Variants in GALNT13 observed in about 807,000 individuals in gnomAD.
GALNT13 encodes polypeptide N-acetylgalactosaminyltransferase 13.
Under a neutral mutation model 64.2 loss-of-function variants are expected in GALNT13, and 28 were observed. That is an observed-to-expected ratio of 0.44 (90% CI 0.32 to 0.60). The LOEUF (loss-of-function observed/expected upper bound fraction) is 0.60, where lower values mean the gene tolerates loss of function less well. Among genes scored for constraint, GALNT13 ranks in the 20% least tolerant of loss-of-function variants. GALNT13 has a pLI of 0.05. For missense variants in GALNT13, 577 were observed against 669.8 expected (o/e 0.86, Z 1.53); for synonymous variants, 214 against 224.6 (o/e 0.95, Z 0.42).
the GALNT13 span, among the ~76,000 whole-genome samples, chr2:153,839,604 T>C: frequency 6.6e-6 from 1 of 151,890 alleles, no homozygotes; most frequent in African/African-American, 2.4e-5. Flanking sequence ...GTATTAATTA[T>C]GAATTATGTA....
the GALNT13 span, among the ~76,000 whole-genome samples, chr2:153,363,612 C>T: frequency 2.0e-5 from 3 of 152,050 alleles, no homozygotes; most frequent in East Asian, 1.9e-4. Context: ...AACACCTCTA[C>T]ACAAATAAAC....
the GALNT13 span, among the ~76,000 whole-genome samples, chr2:153,138,674 A>G: frequency 6.6e-6 from 1 of 152,078 alleles, no homozygotes; most frequent in Non-Finnish European, 1.5e-5. Context: ...TAGATTTTAA[A>G]TGTTATCTAT....
At chr2:153,861,702 G>T in the GALNT13 span, among the ~76,000 whole-genome samples, 1 of 151,964 alleles carries the variant, frequency 6.6e-6, no homozygotes, top group African/African-American at 2.4e-5. Flanking sequence ...GAGTAGCTGG[G>T]ATTACAGGTG....
chr2:153,922,039 C>T (rs767160822), intron 2 of GALNT13, among the ~76,000 whole-genome samples: 32 of 151,946 alleles, frequency 2.1e-4, no homozygotes, highest in African/African-American at 7.0e-4. Flanking sequence ...ATCCATGTAT[C>T]GGTTAGTGGG....
At chr2:153,839,532 C>G in the GALNT13 span, among the ~76,000 whole-genome samples, 1 of 151,500 alleles carries the variant, frequency 6.6e-6, no homozygotes, top group Admixed American at 6.6e-5. Context: ...TTTATCCTTC[C>G]TTCTGTTAAT....
the GALNT13 span, among the ~76,000 whole-genome samples, chr2:153,630,805 ATATTTTT>A: frequency 3.7e-3 from 55 of 14,990 alleles, no homozygotes; most frequent in Non-Finnish European, 5.3e-3. Flanking sequence ...ATATATATAT[ATATTTTT>A]TTTTTTTTTT....
At chr2:154,216,195 T>G (rs1416564316) in intron 4 of GALNT13, among the ~76,000 whole-genome samples, 4 of 152,080 alleles carry the variant, frequency 2.6e-5, no homozygotes, top group African/African-American at 9.7e-5. Context: ...TTATTTAGGT[T>G]TGAAAACTCC....
intron 4 of GALNT13, among the ~76,000 whole-genome samples, chr2:154,153,442 G>T (rs1387570230): frequency 6.6e-6 from 1 of 152,202 alleles, no homozygotes; most frequent in Non-Finnish European, 1.5e-5. Context: ...TGCTGAGAGA[G>T]CCACTGCTCT....
the GALNT13 span, among the ~76,000 whole-genome samples, chr2:153,604,694 T>C: frequency 2.0e-5 from 3 of 152,078 alleles, no homozygotes; most frequent in Non-Finnish European, 2.9e-5. Flanking sequence ...TTCTTGTCAT[T>C]CAGTGTATAT....
chr2:154,300,599 T>TATATATATATA (rs1386153950), intron 8 of GALNT13, among the ~76,000 whole-genome samples: 7 of 151,780 alleles, frequency 4.6e-5, no homozygotes, highest in Non-Finnish European at 1.0e-4. Flanking sequence ...GTATGTATAG[T>TATATATATATA]ATTGTGTGTA....
chr2:153,197,235 T>A, the GALNT13 span, among the ~76,000 whole-genome samples: 2,141 of 152,306 alleles, frequency 0.014, 25 homozygotes, highest in Middle Eastern at 0.061. Context: ...AGGCTCTCTG[T>A]TGATATGCAT....
chr2:153,478,244 G>GC, the GALNT13 span: 2 of 1,611,558 alleles, frequency 1.2e-6, no homozygotes, highest in Non-Finnish European at 8.5e-7. Context: ...GGTCAGTAGG[G>GC]CCCCACGACC....
chr2:153,727,280 C>G, the GALNT13 span, among the ~76,000 whole-genome samples: 1 of 152,156 alleles, frequency 6.6e-6, no homozygotes, highest in Non-Finnish European at 1.5e-5. Flanking sequence ...TTTTGCTTAA[C>G]AAAAGGTTTG....
At chr2:154,259,931 G>T (rs1260298275) in intron 8 of GALNT13, among the ~76,000 whole-genome samples, 2 of 152,010 alleles carry the variant, frequency 1.3e-5, no homozygotes, top group African/African-American at 4.8e-5. Flanking sequence ...AGGCTGGAGT[G>T]GTACAGTGGT....
the GALNT13 span, among the ~76,000 whole-genome samples, chr2:153,663,744 G>C: frequency 2.6e-5 from 4 of 152,188 alleles, no homozygotes; most frequent in Non-Finnish European, 5.9e-5. Flanking sequence ...AATTAGCTCA[G>C]CTTCACTCTG....
chr2:154,072,958 C>T (rs1700808166), intron 3 of GALNT13, among the ~76,000 whole-genome samples: 2 of 151,976 alleles, frequency 1.3e-5, no homozygotes, highest in South Asian at 4.1e-4. Context: ...GTCAGCGATT[C>T]TCAAATTGTG....
At chr2:153,600,325 C>A in the GALNT13 span, among the ~76,000 whole-genome samples, 1 of 151,552 alleles carries the variant, frequency 6.6e-6, no homozygotes, top group Non-Finnish European at 1.5e-5. Context: ...TTTTCAAAAC[C>A]CAACTCTACC....
At chr2:153,479,153 C>T in the GALNT13 span, among the ~76,000 whole-genome samples, 1 of 152,032 alleles carries the variant, frequency 6.6e-6, no homozygotes, top group Non-Finnish European at 1.5e-5. Context: ...TTGCCTGCTG[C>T]CCCCCTGACC....
the GALNT13 span, among the ~76,000 whole-genome samples, chr2:153,587,481 A>G: frequency 2.6e-5 from 4 of 152,182 alleles, no homozygotes; most frequent in Admixed American, 2.6e-4. Context: ...GAAGGCAAAG[A>G]GGAGCAAGTC....
Sources: gnomAD v4.1 joint callset for allele counts (sites outside exome capture counted in the v4.1 genomes callset) on GRCh38, gnomAD v4.1.1 for gene constraint, MANE v1.5 for transcripts, NCBI Gene and HGNC (gene_info 2026-07-23, HGNC 2026-07-21) for gene names.